CADPS2: variants seen among roughly 807,000 people sequenced by gnomAD.
CADPS2 encodes calcium dependent secretion activator 2, also known as calcium-dependent secretion activator 2.
In CADPS2, 93 loss-of-function variants were observed where a neutral mutation model predicts 172.5. That is an observed-to-expected ratio of 0.54 (90% CI 0.46 to 0.64). The LOEUF (loss-of-function observed/expected upper bound fraction) is 0.64. Among genes scored for constraint, CADPS2 ranks in the 30% least tolerant of loss-of-function variants. CADPS2 has a pLI of 0.00. For missense variants in CADPS2, 1,420 were observed against 1,565.9 expected (o/e 0.91, Z 1.57); for synonymous variants, 546 against 555.2 (o/e 0.98, Z 0.23).
chr7:122,500,181 C>G (rs1409750294), intron 9 of CADPS2, among the ~76,000 whole-genome samples: 2 of 152,144 alleles, frequency 1.3e-5, no homozygotes, highest in East Asian at 1.9e-4. Flanking sequence ...AAACCCTACT[C>G]CTTTTTCCAA....
chr7:122,711,854 T>C (rs2088791144), intron 2 of CADPS2, among the ~76,000 whole-genome samples: 1 of 151,718 alleles, frequency 6.6e-6, no homozygotes, highest in Non-Finnish European at 1.5e-5. Context: ...GGTTTCACCA[T>C]GTTGGTCAGG....
intron 6 of CADPS2, among the ~76,000 whole-genome samples, chr7:122,608,868 C>A (rs931758494): frequency 1.9e-4 from 29 of 151,972 alleles, no homozygotes; most frequent in African/African-American, 7.0e-4. Context: ...TGGTACTGCA[C>A]TGGACACTTA....
chr7:122,856,452 C>T (rs796156664), intron 1 of CADPS2, among the ~76,000 whole-genome samples: 1 of 152,012 alleles, frequency 6.6e-6, no homozygotes, highest in Non-Finnish European at 1.5e-5. Flanking sequence ...TTCATCTTTA[C>T]CTTCACCACC....
chr7:122,479,859 A>T (rs1298192544), intron 12 of CADPS2, among the ~76,000 whole-genome samples: 1 of 152,228 alleles, frequency 6.6e-6, no homozygotes, highest in African/African-American at 2.4e-5. Flanking sequence ...TTAATAATTT[A>T]AAAATACTTA....
intron 17 of CADPS2, among the ~76,000 whole-genome samples, chr7:122,428,624 T>C (rs751707079): frequency 2.7e-4 from 41 of 151,890 alleles, no homozygotes; most frequent in Admixed American, 6.6e-4. Flanking sequence ...TGCACCACTA[T>C]GCCTGGCTAA....
chr7:122,630,096 A>T (rs2134184376), intron 3 of CADPS2, among the ~76,000 whole-genome samples: 1 of 152,310 alleles, frequency 6.6e-6, no homozygotes, highest in African/African-American at 2.4e-5. Context: ...GAGGATGTTA[A>T]GTGTTAATTT....
In CADPS2 at chr7:122,441,391, T is replaced by C. The variant is rs1038399842; in HGVS notation, c.2352+121A>G. The C allele has an allele frequency of 1.7e-5, 9 of 542,460 alleles. 1 individual carries two copies. The highest frequency in any genetic ancestry group is 5.1e-4 in the Middle Eastern group (1 of 1,978). 33.6% of individuals were successfully genotyped at this position (542,460 alleles called of 1,614,324 possible). A position where few individuals can be genotyped will look rare whatever the true frequency, so the allele number is the denominator to read the frequency against. ...GTAGTAAGAAAAGGTGAGAAACTCATGACTTGTGATGGAATCAGTAGAGAG... is the reference window on the plus strand; with the variant it reads ...GTAGTAAGAAAAGGTGAGAAACTCACGACTTGTGATGGAATCAGTAGAGAG... On this transcript the variant is annotated intron_variant, in intron 16 of 29. Coordinates refer to ENST00000449022, the MANE Select transcript of CADPS2 (RefSeq NM_017954.11).
chr7:122,596,876 G>GA (rs1210977041), intron 6 of CADPS2, among the ~76,000 whole-genome samples: 3 of 151,994 alleles, frequency 2.0e-5, no homozygotes, highest in Non-Finnish European at 4.4e-5. Flanking sequence ...AATTTATAGA[G>GA]AAAAAAATTT....
intron 9 of CADPS2, among the ~76,000 whole-genome samples, chr7:122,510,350 A>G (rs2059921847): frequency 6.6e-6 from 1 of 152,166 alleles, no homozygotes; most frequent in Non-Finnish European, 1.5e-5. Flanking sequence ...AGAGACCAAA[A>G]TGATCTTACT....
At chr7:122,520,353 T>A (rs1012553536) in intron 8 of CADPS2, among the ~76,000 whole-genome samples, 6 of 151,894 alleles carry the variant, frequency 4.0e-5, no homozygotes, top group Admixed American at 2.0e-4. Context: ...GTTTTTTTTT[T>A]AAGTAGATTC....
chr7:122,779,108 G>A (rs2093969243), intron 1 of CADPS2, among the ~76,000 whole-genome samples: 1 of 152,170 alleles, frequency 6.6e-6, no homozygotes, highest in African/African-American at 2.4e-5. Flanking sequence ...GCCTTCTGCT[G>A]TGATTGTGAG....
chr7:122,702,410 T>A (rs779577054), intron 2 of CADPS2: 1 of 1,613,810 alleles, frequency 6.2e-7, no homozygotes, highest in South Asian at 1.1e-5. Context: ...GTTGATTTTA[T>A]GTGTAAAAGT....
At chr7:122,520,306 A>C (rs1485171920) in intron 8 of CADPS2, among the ~76,000 whole-genome samples, 1 of 152,012 alleles carries the variant, frequency 6.6e-6, no homozygotes, top group Non-Finnish European at 1.5e-5. Context: ...CTATTTTAAA[A>C]TGCTTGTCTT....
At chr7:122,527,617 A>AGAGAGAGAGAGAGAGAGAGGGTGTGT in intron 8 of CADPS2, among the ~76,000 whole-genome samples, 1 of 83,806 alleles carries the variant, frequency 1.2e-5, no homozygotes, top group Non-Finnish European at 2.6e-5. Flanking sequence ...AGAGAGAGAG[A>AGAGAGAGAGAGAGAGAGAGGGTGTGT]GTGTGTGTGT....
At chr7:122,679,800 A>C (rs577507433) in intron 2 of CADPS2, among the ~76,000 whole-genome samples, 1 of 152,274 alleles carries the variant, frequency 6.6e-6, no homozygotes, top group South Asian at 2.1e-4. Flanking sequence ...ACCCACATTG[A>C]AATATCGGGG....
At position 122,817,768 on chromosome 7, in the gene CADPS2, G is replaced by T. The variant is rs565030454; in HGVS notation, c.339+68231C>A. ...TAGCGGCAAGTCCTGCTTTTCTAGA[G>T]GGGCAATTACCCCAACCTCGTATCT... On this transcript the variant is annotated intron_variant, in intron 1 of 29. Transcript: ENST00000449022. 2.6e-5 allele frequency among the ~76,000 whole-genome samples: 4 copies of T among 151,998 alleles called. No individual in the cohort carries two copies. In the East Asian group the frequency reaches 7.8e-4, roughly 30 times the overall value.
At chr7:122,681,482 A>T in intron 2 of CADPS2, 2 of 1,515,144 alleles carry the variant, frequency 1.3e-6, no homozygotes, top group African/African-American at 2.7e-5. Context: ...TTTCTGAAGC[A>T]AGCGTCTTCG....
intron 8 of CADPS2, among the ~76,000 whole-genome samples, chr7:122,524,666 A>C (rs143754257): frequency 2.6e-5 from 4 of 152,326 alleles, no homozygotes; most frequent in African/African-American, 7.2e-5. Flanking sequence ...TTTCCATAGA[A>C]TATCTGTAAC....
At chr7:122,507,977 CTAAAT>C (rs1236887319) in intron 9 of CADPS2, among the ~76,000 whole-genome samples, 1 of 151,936 alleles carries the variant, frequency 6.6e-6, no homozygotes, top group Non-Finnish European at 1.5e-5. Flanking sequence ...GGGAAGTAAC[CTAAAT>C]TAAAAGGGGA....
Sources: allele counts gnomAD v4.1 joint callset (sites outside exome capture counted in the v4.1 genomes callset), GRCh38; gene constraint gnomAD v4.1.1; transcripts MANE v1.5; gene names NCBI Gene and HGNC (gene_info 2026-07-23, HGNC 2026-07-21).